The following GABRB1 variants were observed in gnomAD, a reference collection of about 807,000 sequenced individuals.
The protein encoded by GABRB1 is gamma-aminobutyric acid receptor subunit beta-1.
In GABRB1, 17 loss-of-function variants were observed where a neutral mutation model predicts 51.6. The ratio of observed to expected loss-of-function variants is 0.33; its 90% CI spans 0.23 to 0.49. The LOEUF (loss-of-function observed/expected upper bound fraction) is 0.49. Among genes scored for constraint, GABRB1 ranks in the 20% least tolerant of loss-of-function variants. GABRB1 has a pLI of 0.99. For missense variants in GABRB1, 410 were observed against 600.6 expected, an observed-to-expected ratio of 0.68 and a Z score of 3.32; for synonymous variants, 247 against 218.9, an observed-to-expected ratio of 1.13 and a Z score of -1.14.
chr4:47,183,372 A>G, intron 4 of GABRB1, among the ~76,000 whole-genome samples: 1 of 146,262 alleles, frequency 6.8e-6, no homozygotes, highest in East Asian at 2.0e-4. Flanking sequence ...ATATATATAT[A>G]TATATATATT....
At position 47,350,282 on chromosome 4, in the gene GABRB1, T is replaced by TAG. The variant is rs1294881496; in HGVS notation, c.544+30074_544+30075insGA. 2.9e-3 allele frequency among the ~76,000 whole-genome samples: 414 copies of TAG among 141,182 alleles called. 4 individuals are homozygous for TAG. Among genetic ancestry groups the TAG allele is most frequent in the African/African-American group, 8.0e-3 (300 of 37,534 alleles). The allele number at this position is 141,182 out of a possible 152,430, so 92.6% of individuals were successfully genotyped here. ...TCATTAATGTGTGTATATATATATA[T>TAG]ATATAGAGAGAGAGAGAGAGCTGGC... On this transcript the variant is annotated intron_variant, in intron 5 of 8. Coordinates refer to ENST00000295454, the MANE Select transcript of GABRB1 (RefSeq NM_000812.4).
At chr4:47,242,649 A>G (rs768886012) in intron 4 of GABRB1, among the ~76,000 whole-genome samples, 21 of 152,142 alleles carry the variant, frequency 1.4e-4, no homozygotes, top group Non-Finnish European at 2.6e-4. Flanking sequence ...GATGATGAGC[A>G]TTTTCTCATA....
chr4:47,345,034 C>T (rs986443690), intron 5 of GABRB1, among the ~76,000 whole-genome samples: 7 of 152,146 alleles, frequency 4.6e-5, no homozygotes, highest in East Asian at 1.9e-4. Context: ...CATTCTTTTA[C>T]GTAACTCTCA....
At chr4:47,307,056 T>G (rs1469919043) in intron 4 of GABRB1, among the ~76,000 whole-genome samples, 2 of 152,120 alleles carry the variant, frequency 1.3e-5, no homozygotes, top group African/African-American at 4.8e-5. Context: ...TATCCATTTA[T>G]TTTCTCACCA....
At chr4:47,396,542 G>T (rs1171974146) in intron 5 of GABRB1, among the ~76,000 whole-genome samples, 1 of 152,068 alleles carries the variant, frequency 6.6e-6, no homozygotes, top group Non-Finnish European at 1.5e-5. Flanking sequence ...GAAATTTCTA[G>T]AAATTTCTTT....
chr4:47,348,489 A>G (rs147693418), intron 5 of GABRB1, among the ~76,000 whole-genome samples: 13 of 152,320 alleles, frequency 8.5e-5, no homozygotes, highest in South Asian at 2.1e-4. Context: ...GCATGTATGT[A>G]TATGGTATAT....
At chr4:47,268,734 T>A (rs1246063823) in intron 4 of GABRB1, among the ~76,000 whole-genome samples, 2 of 152,178 alleles carry the variant, frequency 1.3e-5, no homozygotes, top group African/African-American at 4.8e-5. Flanking sequence ...AAGCAATATG[T>A]ACTGATAGCA....
At chr4:47,259,464 G>T (rs1366404842) in intron 4 of GABRB1, among the ~76,000 whole-genome samples, 1 of 152,188 alleles carries the variant, frequency 6.6e-6, no homozygotes, top group South Asian at 2.1e-4. Flanking sequence ...TACTTTTGCA[G>T]GCAAGACAGT....
chr4:47,197,859 A>G (rs1005763068), intron 4 of GABRB1, among the ~76,000 whole-genome samples: 1 of 152,202 alleles, frequency 6.6e-6, no homozygotes, highest in African/African-American at 2.4e-5. Flanking sequence ...GACATTTTCT[A>G]TGCTGAGTGT....
chr4:47,032,274 C>A, intron 2 of GABRB1, 143 bp from the exon 3 acceptor site: 1 of 829,660 alleles, frequency 1.2e-6, no homozygotes, highest in Non-Finnish European at 1.9e-6. Context: ...CCTGTTTTCC[C>A]AGGCAGTCCC....
intron 5 of GABRB1, among the ~76,000 whole-genome samples, chr4:47,356,451 A>C (rs1238825737): frequency 6.6e-6 from 1 of 152,172 alleles, no homozygotes; most frequent in African/African-American, 2.4e-5. Flanking sequence ...TTTTAGGCAA[A>C]GATTTATTTT....
intron 4 of GABRB1, among the ~76,000 whole-genome samples, chr4:47,316,675 A>G (rs533587476): frequency 5.9e-5 from 9 of 152,028 alleles, no homozygotes; most frequent in African/African-American, 1.7e-4. Context: ...GAGACCAACA[A>G]TTTATGGGTG....
chr4:47,094,727 T>G (rs1714313632), intron 3 of GABRB1, among the ~76,000 whole-genome samples: 1 of 148,746 alleles, frequency 6.7e-6, no homozygotes, highest in Non-Finnish European at 1.5e-5. Context: ...TTTACCTATG[T>G]AACAAACCTG....
intron 8 of GABRB1, among the ~76,000 whole-genome samples, chr4:47,408,416 A>G (rs17462170): frequency 0.097 from 14,743 of 152,260 alleles, 798 homozygotes; most frequent in Middle Eastern, 0.16. Flanking sequence ...TTCAGGGTGT[A>G]TCTTCATGCT....
rs60107979 is a variant in GABRB1, at chr4:47,409,161, T to C, written c.1080+2235T>C. Among the ~76,000 whole-genome samples, 15 of 151,728 alleles carry C rather than the reference T, an allele frequency of 9.9e-5. 1 individual carries two copies. The highest frequency in any genetic ancestry group is 8.5e-4 in the Admixed American group (13 of 15,262). ...TCTGGCCCCATGGTAGCATCTAGAG[T>C]TGGGTGCCTGCGACTCCCGAAGCCC... On this transcript the variant is annotated intron_variant, in intron 8 of 8. Transcript: ENST00000295454.
At chr4:46,993,717 G>A, upstream of GABRB1, 1 of 318,092 alleles carries the variant, frequency 3.1e-6, no homozygotes, top group Non-Finnish European at 6.0e-6. Context: ...TCTGGGGTTC[G>A]TATCCGCGCG....
intron 3 of GABRB1, among the ~76,000 whole-genome samples, chr4:47,077,453 T>G (rs1390551012): frequency 6.6e-6 from 1 of 152,162 alleles, no homozygotes; most frequent in Non-Finnish European, 1.5e-5. Flanking sequence ...AATAGTTGGG[T>G]TTTTTTCTTA....
chr4:47,144,516 C>T (rs898321601), intron 3 of GABRB1, among the ~76,000 whole-genome samples: 3 of 151,872 alleles, frequency 2.0e-5, no homozygotes, highest in Admixed American at 6.6e-5. Flanking sequence ...TTATATTTGC[C>T]GTGGTAACAA....
chr4:47,123,187 T>C (rs1397838461), intron 3 of GABRB1, among the ~76,000 whole-genome samples: 3 of 150,442 alleles, frequency 2.0e-5, no homozygotes, highest in Admixed American at 6.7e-5. Context: ...ATTTATTCAC[T>C]ACCTACTTTA....
Sources: allele counts gnomAD v4.1 joint callset (sites outside exome capture counted in the v4.1 genomes callset), GRCh38; gene constraint gnomAD v4.1.1; transcripts MANE v1.5; gene names NCBI Gene and HGNC (gene_info 2026-07-23, HGNC 2026-07-21).